Variants in PCDH15 observed in about 807,000 individuals in gnomAD.
PCDH15 encodes the protein protocadherin-15.
Under a neutral mutation model 178.5 loss-of-function variants are expected in PCDH15, and 129 were observed. The ratio of observed to expected loss-of-function variants is 0.72; its 90% CI spans 0.63 to 0.84. The LOEUF is 0.84. Ranked by LOEUF, PCDH15 falls within the 40% of genes least tolerant of loss-of-function variation. The pLI is 0.00. For missense variants in PCDH15, 2,230 were observed against 2,099.9 expected, an observed-to-expected ratio of 1.06 and a Z score of -1.21; for synonymous variants, 800 against 732.0, an observed-to-expected ratio of 1.09 and a Z score of -1.50.
At chr10:54,772,247 G>A (rs541094737) in intron 1 of PCDH15, among the ~76,000 whole-genome samples, 2 of 152,156 alleles carry the variant, frequency 1.3e-5, no homozygotes, top group East Asian at 3.9e-4. Context: ...ACTTAAGCAA[G>A]TTAATTTAGG....
chr10:54,435,746 G>A (rs1447102641), intron 3 of PCDH15, among the ~76,000 whole-genome samples: 2 of 152,002 alleles, frequency 1.3e-5, no homozygotes, highest in Non-Finnish European at 2.9e-5. Flanking sequence ...TGAGAAGGGC[G>A]GATCACGAGA....
At chr10:55,420,817 G>A (rs1231742840) in intron 2 of PCDH15, among the ~76,000 whole-genome samples, 1 of 151,632 alleles carries the variant, frequency 6.6e-6, no homozygotes. Context: ...TTTACTATAT[G>A]TCAAGCATGG....
chr10:55,558,585 C>G (rs1165987260), intron 2 of PCDH15, among the ~76,000 whole-genome samples: 1 of 152,022 alleles, frequency 6.6e-6, no homozygotes, highest in African/African-American at 2.4e-5. Flanking sequence ...TGTATAATGC[C>G]TATGCATACA....
intron 18 of PCDH15, among the ~76,000 whole-genome samples, chr10:54,061,003 G>T (rs1252980689): frequency 6.6e-6 from 1 of 152,100 alleles, no homozygotes; most frequent in African/African-American, 2.4e-5. Flanking sequence ...AGGCTGAATG[G>T]ACCTTCACAG....
intron 2 of PCDH15, among the ~76,000 whole-genome samples, chr10:54,996,800 G>A (rs1296251779): frequency 6.6e-6 from 1 of 151,958 alleles, no homozygotes; most frequent in African/African-American, 2.4e-5. Flanking sequence ...GGAGTCTGGG[G>A]AGGTTTGGCT....
intron 32 of PCDH15, chr10:53,822,428 A>G: frequency 6.3e-7 from 1 of 1,581,050 alleles, no homozygotes; most frequent in South Asian, 1.1e-5. Context: ...CAGGAGGAGG[A>G]GCAAGAGGAG....
At chr10:53,877,488 C>T (rs1290641926) in intron 26 of PCDH15, among the ~76,000 whole-genome samples, 1 of 152,138 alleles carries the variant, frequency 6.6e-6, no homozygotes, top group Non-Finnish European at 1.5e-5. Flanking sequence ...TTATCTTTTA[C>T]AATAATTCTG....
intron 18 of PCDH15, among the ~76,000 whole-genome samples, chr10:54,024,885 A>G (rs2093035429): frequency 6.6e-6 from 1 of 152,112 alleles, no homozygotes; most frequent in Non-Finnish European, 1.5e-5. Flanking sequence ...TTGGTCTGAA[A>G]TTACTCATCA....
chr10:53,868,970 T>C (rs2079640916), intron 26 of PCDH15, among the ~76,000 whole-genome samples: 1 of 152,128 alleles, frequency 6.6e-6, no homozygotes, highest in African/African-American at 2.4e-5. Context: ...GGCACTCCAC[T>C]ACGCCTGGCT....
intron 2 of PCDH15, among the ~76,000 whole-genome samples, chr10:55,582,293 T>A (rs1842630240): frequency 1.3e-5 from 2 of 152,130 alleles, no homozygotes; most frequent in African/African-American, 4.8e-5. Flanking sequence ...CTTTCTTTAA[T>A]CCTAAAAGTG....
intron 21 of PCDH15, among the ~76,000 whole-genome samples, chr10:53,981,757 G>A (rs1485494037): frequency 6.6e-6 from 1 of 150,994 alleles, no homozygotes; most frequent in East Asian, 1.9e-4. Context: ...ACATAGGCAT[G>A]GGCAAGGACT....
At chr10:55,327,104 T>C (rs898271382) in intron 2 of PCDH15, among the ~76,000 whole-genome samples, 2 of 151,998 alleles carry the variant, frequency 1.3e-5, no homozygotes, top group African/African-American at 4.8e-5. Flanking sequence ...CTTTGAGATA[T>C]GATTAGGATG....
At chr10:54,270,527 TCTC>T (rs1456798109) in intron 8 of PCDH15, among the ~76,000 whole-genome samples, 20 of 152,258 alleles carry the variant, frequency 1.3e-4, no homozygotes, top group Non-Finnish European at 2.2e-4. Flanking sequence ...AGATGTAGGT[TCTC>T]CTCTCAAAAC....
At chr10:54,720,442 C>T (rs902345329) in intron 1 of PCDH15, among the ~76,000 whole-genome samples, 1 of 151,238 alleles carries the variant, frequency 6.6e-6, no homozygotes, top group African/African-American at 2.4e-5. Context: ...AAGAAAATCG[C>T]ATCAAACTAA....
chr10:54,877,795 AAT>A (rs1195074382), intron 3 of PCDH15, among the ~76,000 whole-genome samples: 6 of 152,146 alleles, frequency 3.9e-5, no homozygotes, highest in African/African-American at 9.7e-5. Context: ...ATTCAATATT[AAT>A]AGTTTCCTGT....
chr10:54,653,405 G>A (rs1480208618), intron 2 of PCDH15, among the ~76,000 whole-genome samples: 1 of 152,182 alleles, frequency 6.6e-6, no homozygotes, highest in Non-Finnish European at 1.5e-5. Context: ...GAGTTTTGGA[G>A]CCAGGATTCA....
chr10:55,480,966 TG>T (rs1840167342), intron 2 of PCDH15, among the ~76,000 whole-genome samples: 1 of 151,774 alleles, frequency 6.6e-6, no homozygotes, highest in Non-Finnish European at 1.5e-5. Context: ...CATCTGGTCC[TG>T]GGCTTTTTTA....
intron 26 of PCDH15, among the ~76,000 whole-genome samples, chr10:53,873,424 A>G (rs1222322265): frequency 6.6e-6 from 1 of 152,212 alleles, no homozygotes; most frequent in Admixed American, 6.5e-5. Flanking sequence ...TACATATATT[A>G]TTACATTATC....
chr10:55,312,544 G>T (rs1843611150), intron 1 of PCDH15, among the ~76,000 whole-genome samples: 1 of 151,852 alleles, frequency 6.6e-6, no homozygotes, highest in Admixed American at 6.6e-5. Flanking sequence ...AGTTTCCCAT[G>T]ATGCTCTCAT....
Sources: allele counts gnomAD v4.1 joint callset (sites outside exome capture counted in the v4.1 genomes callset), GRCh38; gene constraint gnomAD v4.1.1; transcripts MANE v1.5; gene names NCBI Gene and HGNC (gene_info 2026-07-23, HGNC 2026-07-21).